The following CENPE variants were observed in gnomAD, a reference collection of about 807,000 sequenced individuals.
The protein encoded by CENPE is centromere protein E.
Under a neutral mutation model 336.1 loss-of-function variants are expected in CENPE, and 145 were observed. The observed-to-expected ratio is 0.43, with a 90% CI of 0.38 to 0.50. The LOEUF is 0.50. Ranked by LOEUF, CENPE falls within the 20% of genes least tolerant of loss-of-function variation. CENPE has a pLI of 0.00. For synonymous variants in CENPE, 1,013 were observed against 984.8 expected (o/e 1.03, Z -0.54); for missense variants, 2,719 against 3,023.3 (o/e 0.90, Z 2.36).
chr4:103,129,748 A>AATAAAAAAC (rs150183057), intron 42 of CENPE, among the ~76,000 whole-genome samples: 6 of 151,556 alleles, frequency 4.0e-5, no homozygotes, highest in Non-Finnish European at 2.9e-5. Flanking sequence ...AATAAAATAA[A>AATAAAAAAC]AAACAAAGAT....
rs1346272561 is a variant in CENPE at position 103,110,533 on chromosome 4, A to G, written c.7724+295T>C. ...GGAGTTCCTCTCTAAGTAAAGCCTC[A>G]CTGGCTTGGGTATATGGACTTGTGG... On this transcript the variant is annotated intron_variant, in intron 47 of 48. Transcript: ENST00000265148. Among the ~76,000 whole-genome samples the G allele has an allele frequency of 2.6e-5, 4 of 152,130 alleles. No individual in the cohort carries two copies. In the South Asian group the frequency reaches 6.2e-4, roughly 24 times the overall value.
chr4:103,151,935 TGAA>T (rs758748161), intron 25 of CENPE, among the ~76,000 whole-genome samples: 2 of 152,206 alleles, frequency 1.3e-5, no homozygotes, highest in Non-Finnish European at 2.9e-5. Flanking sequence ...GCTCTTTTGA[TGAA>T]GGAGACAATC....
chr4:103,150,594 A>AT (rs1753461177), intron 26 of CENPE, among the ~76,000 whole-genome samples: 1 of 152,032 alleles, frequency 6.6e-6, no homozygotes, highest in Non-Finnish European at 1.5e-5. Flanking sequence ...CAAAAAAAAA[A>AT]GGAGGAAAGA....
intron 24 of CENPE, 71 bp downstream of exon 24, chr4:103,158,229 G>A: frequency 9.2e-7 from 1 of 1,090,462 alleles, no homozygotes. Context: ...AGAATATTAT[G>A]CATTTAAGTA....
chr4:103,191,137 T>C (rs1757280979), intron 8 of CENPE, among the ~76,000 whole-genome samples: 1 of 152,084 alleles, frequency 6.6e-6, no homozygotes, highest in African/African-American at 2.4e-5. Context: ...CGTTAAAAAG[T>C]CAGGGAACAA....
At chr4:103,157,359 T>C (rs983704030) in intron 24 of CENPE, among the ~76,000 whole-genome samples, 2 of 152,002 alleles carry the variant, frequency 1.3e-5, no homozygotes, top group African/African-American at 4.8e-5. Flanking sequence ...CCATGATGGA[T>C]GCATAGATAA....
chr4:103,140,221 A>C (rs763773734), intron 37 of CENPE, 35 bp downstream of exon 37: 2 of 1,559,124 alleles, frequency 1.3e-6, no homozygotes, highest in Non-Finnish European at 1.7e-6. Flanking sequence ...TTTTGGGCAC[A>C]GTTACTTCCA....
chr4:103,130,068 T>G (rs1399917633), intron 42 of CENPE, among the ~76,000 whole-genome samples: 1 of 152,220 alleles, frequency 6.6e-6, no homozygotes, highest in African/African-American at 2.4e-5. Context: ...TAGTTAATCA[T>G]GAGGAACTAG....
At chr4:103,185,748 A>G (rs1756713701) in intron 9 of CENPE, 62 bp downstream of exon 9, 3 of 1,071,866 alleles carry the variant, frequency 2.8e-6, no homozygotes, top group Middle Eastern at 2.3e-4. Flanking sequence ...GCCTGGTAGT[A>G]CTTTTTAAAC....
chr4:103,118,444 G>A (rs1253791593), intron 44 of CENPE, among the ~76,000 whole-genome samples: 1 of 152,118 alleles, frequency 6.6e-6, no homozygotes, highest in African/African-American at 2.4e-5. Context: ...TCCTTCACCA[G>A]ATTTATCTTT....
intron 24 of CENPE, among the ~76,000 whole-genome samples, chr4:103,157,075 A>C (rs999444935): frequency 2.6e-5 from 4 of 151,796 alleles, no homozygotes; most frequent in Middle Eastern, 3.4e-3. Context: ...AAAAAAAAAA[A>C]AAAAACAGAA....
At chr4:103,178,552 A>G (rs1413542823) in intron 13 of CENPE, among the ~76,000 whole-genome samples, 1 of 152,198 alleles carries the variant, frequency 6.6e-6, no homozygotes, top group Non-Finnish European at 1.5e-5. Context: ...TCTTTCTACT[A>G]TATTCAAGAT....
rs533108216 is a variant in CENPE at position 103,196,827 on chromosome 4, G to A, written c.80C>T (p.Ala27Val). The A allele has an allele frequency of 1.1e-4, 175 of 1,584,882 alleles. 3 individuals carry two copies. In the South Asian group the frequency reaches 1.9e-3, roughly 17 times the overall value. Reference sequence around the variant, plus strand: ...ATTGTCAGTTTTCCAGTAAACTTGGGCAGTTTCTCCAAGTGATTCTTCTCT... The same window carrying A: ...ATTGTCAGTTTTCCAGTAAACTTGGACAGTTTCTCCAAGTGATTCTTCTCT... ...NSREESLGET[A>V]QVYWKTDNNV... Residue 27 changes from alanine to valine, a missense_variant, in exon 2 of 49, where the codon GCC (alanine) becomes GTC (valine). Physicochemically the swap from Ala to Val is moderately conservative, Grantham distance 64. This residue lies in a region of CENPE where 48 missense variants were observed against 50.8 expected (regional missense o/e 0.94). Coordinates refer to ENST00000265148, the MANE Select transcript of CENPE (RefSeq NM_001813.3).
rs1476546841 is a variant in CENPE at position 103,161,405 on chromosome 4, G to C, written c.1895C>G (p.Thr632Ser). The C allele has an allele frequency of 6.2e-7, 1 of 1,612,646 alleles. No homozygotes were observed. Among genetic ancestry groups the C allele is most frequent in the African/African-American group, 1.3e-5 (1 of 74,864 alleles). The change falls in exon 19 of 49, where the codon ACT (threonine) becomes AGT (serine). Residue 632 changes from threonine to serine, a missense_variant. Around this residue, in one of 5 missense-constraint regions of CENPE, gnomAD observed 2,437 missense variants for 2,513.3 expected, o/e 0.97. Coordinates refer to ENST00000265148, the MANE Select transcript of CENPE (RefSeq NM_001813.3). ...QMKQTLFDAETVALDAKRESA... is the reference protein window; with the variant it reads ...QMKQTLFDAESVALDAKRESA... ...TTCTCTCTTGGCATCAAGGGCTACAGTTTCAGCATCAAACAGAGTCTGCTT... is the reference window on the plus strand; with the variant it reads ...TTCTCTCTTGGCATCAAGGGCTACACTTTCAGCATCAAACAGAGTCTGCTT...
intron 20 of CENPE, 97 bp from the exon 21 acceptor site, chr4:103,160,876 A>G: frequency 8.6e-7 from 1 of 1,158,382 alleles, no homozygotes; most frequent in Non-Finnish European, 1.2e-6. Context: ...GGATCAGGTA[A>G]AGTTTATTTG....
At position 103,182,777 on chromosome 4, in the gene CENPE, T is replaced by A; in HGVS notation, c.948A>T (p.Thr316=). The change falls in exon 11 of 49, where the codon ACA becomes ACT. Residue 316 remains threonine, a synonymous_variant. Coordinates refer to ENST00000265148, the MANE Select transcript of CENPE (RefSeq NM_001813.3). ...TCAAACTCACCTGGAGAGCAGTAAG[T>A]GTTTCATCAAAAGATACTGGAGTAA... The part of the protein sequence containing the change: ...CTITPVSFDE[T]LTALQFASTA... The A allele has an allele frequency of 6.2e-7, 1 of 1,610,288 alleles. No individual in the cohort carries two copies. Among genetic ancestry groups the A allele is most frequent in the Non-Finnish European group, 8.5e-7 (1 of 1,178,076 alleles).
At position 103,144,354 on chromosome 4, in the gene CENPE, T is replaced by A. The variant is rs777778012; in HGVS notation, c.5122A>T (p.Asn1708Tyr). Residue 1708 changes from asparagine (N) to tyrosine (Y), a missense_variant, in exon 33 of 49, where the codon AAC (asparagine) becomes TAC (tyrosine). Asn to Tyr is a moderately radical substitution (Grantham distance 143, BLOSUM62 -2). Coordinates refer to ENST00000265148, the MANE Select transcript of CENPE (RefSeq NM_001813.3). The stretch of plus-strand genomic sequence containing the variant: ...ACTCTAGTTATAGTTTCTCTAAGGT[T>A]TTCCTTGAGCTGGTCTCTCTCTACT... The part of the protein sequence containing the change: ...LKVERDQLKE[N>Y]LRETITRDLE... 6.2e-7 allele frequency: 1 copy of A among 1,608,190 alleles called. No individual in the cohort carries two copies. The highest frequency in any genetic ancestry group is 1.1e-5 in the South Asian group (1 of 89,482).
intron 26 of CENPE, among the ~76,000 whole-genome samples, chr4:103,150,837 G>A (rs897379739): frequency 2.6e-5 from 4 of 152,180 alleles, no homozygotes; most frequent in Admixed American, 2.0e-4. Flanking sequence ...TGGTAATAGT[G>A]ATAAATCTTA....
chr4:103,141,682 T>C (rs1317132372), intron 35 of CENPE, 68 bp downstream of exon 35: 8 of 1,164,814 alleles, frequency 6.9e-6, no homozygotes, highest in Admixed American at 2.3e-5. Context: ...TGAACCATTT[T>C]ATATCCCCAA....
Sources: allele counts gnomAD v4.1 joint callset (sites outside exome capture counted in the v4.1 genomes callset), GRCh38; gene constraint gnomAD v4.1.1; regional missense constraint gnomAD v4.1.1; transcripts MANE v1.5; gene names NCBI Gene and HGNC (gene_info 2026-07-23, HGNC 2026-07-21).